The following RBBP8 variants were observed in gnomAD, a reference collection of about 807,000 sequenced individuals.
The protein encoded by RBBP8 is DNA endonuclease RBBP8.
In RBBP8, 88 loss-of-function variants were observed where a neutral mutation model predicts 108.3. The observed-to-expected ratio is 0.81, with a 90% confidence interval of 0.68 to 0.97. The LOEUF (loss-of-function observed/expected upper bound fraction) is 0.97, where lower values mean the gene tolerates loss of function less well. Ranked by LOEUF, RBBP8 falls within the 50% of genes least tolerant of loss-of-function variation. The pLI, the probability that RBBP8 is intolerant of heterozygous loss-of-function variation, is 0.00. For missense variants in RBBP8, 1,023 were observed against 1,049.0 expected (o/e 0.98, Z 0.34); for synonymous variants, 332 against 348.2 (o/e 0.95, Z 0.52).
intron 4 of RBBP8, among the ~76,000 whole-genome samples, chr18:22,951,102 T>C (rs772722038): frequency 1.5e-4 from 23 of 152,248 alleles, no homozygotes; most frequent in Non-Finnish European, 2.6e-4. Flanking sequence ...TAAAGACCTG[T>C]GCGCTTTAGA....
chr18:23,006,533 G>GA, intron 16 of RBBP8, 101 bp downstream of exon 16: 7 of 1,019,420 alleles, frequency 6.9e-6, no homozygotes, highest in South Asian at 1.4e-5. Context: ...ACAGAGTCTT[G>GA]CTCTGTCACC....
chr18:22,999,723 A>C (rs1184544242), intron 14 of RBBP8, among the ~76,000 whole-genome samples: 1 of 152,238 alleles, frequency 6.6e-6, no homozygotes, highest in East Asian at 1.9e-4. Context: ...TATACCAATA[A>C]AAATTCCATA....
chr18:23,009,361 G>A (rs2046115894), intron 16 of RBBP8, among the ~76,000 whole-genome samples: 1 of 151,182 alleles, frequency 6.6e-6, no homozygotes, highest in Non-Finnish European at 1.5e-5. Flanking sequence ...TATTAGAAAT[G>A]TACAGTAAAA....
chr18:22,923,879 T>G (rs1279333537), intron 3 of RBBP8, among the ~76,000 whole-genome samples: 1 of 152,120 alleles, frequency 6.6e-6, no homozygotes, highest in East Asian at 1.9e-4. Context: ...AGAAGTAAAT[T>G]TATATTCATT....
At chr18:23,006,315 C>T in intron 15 of RBBP8, 48 bp from the exon 16 acceptor site, 1 of 1,504,956 alleles carries the variant, frequency 6.6e-7, no homozygotes, top group Non-Finnish European at 9.2e-7. Flanking sequence ...TTAATTATTT[C>T]TCATTAAGTT....
chr18:23,010,188 A>G (rs1282821659), intron 16 of RBBP8, among the ~76,000 whole-genome samples: 1 of 152,198 alleles, frequency 6.6e-6, no homozygotes, highest in African/African-American at 2.4e-5. Flanking sequence ...AGCAGTGGAC[A>G]CTTGGGTTGT....
upstream of RBBP8, among the ~76,000 whole-genome samples, chr18:22,928,935 G>A (rs143375644): frequency 6.6e-6 from 1 of 152,164 alleles, no homozygotes; most frequent in Non-Finnish European, 1.5e-5. Context: ...CTCCCAAAGT[G>A]CAGGGATTAT....
chr18:22,978,629 C>A (rs1407263761), intron 6 of RBBP8, among the ~76,000 whole-genome samples: 1 of 152,008 alleles, frequency 6.6e-6, no homozygotes, highest in Non-Finnish European at 1.5e-5. Context: ...AATAGGCAAG[C>A]AGGCTGTGAC....
At chr18:23,002,484 A>G (rs537562831) in intron 15 of RBBP8, among the ~76,000 whole-genome samples, 1 of 152,338 alleles carries the variant, frequency 6.6e-6, no homozygotes, top group South Asian at 2.1e-4. Flanking sequence ...TTATCTTACC[A>G]GACAAAATAC....
At chr18:22,997,831 A>G in intron 14 of RBBP8, 97 bp downstream of exon 14, 1 of 857,750 alleles carries the variant, frequency 1.2e-6, no homozygotes, top group South Asian at 1.4e-5. Flanking sequence ...CCTCTTCACC[A>G]TAAAGCAGGT....
chr18:22,992,561 T>G (rs1318727103), intron 10 of RBBP8, among the ~76,000 whole-genome samples, 187 bp from the exon 11 acceptor site: 1 of 152,216 alleles, frequency 6.6e-6, no homozygotes, highest in African/African-American at 2.4e-5. Flanking sequence ...AATATGAATA[T>G]TATGGTGTTG....
intron 16 of RBBP8, among the ~76,000 whole-genome samples, chr18:23,007,207 G>C (rs1278129172): frequency 6.6e-6 from 1 of 151,420 alleles, no homozygotes; most frequent in Non-Finnish European, 1.5e-5. Context: ...TTTTATTAGA[G>C]ATGGGATTTC....
chr18:22,943,387 C>T (rs890560609), intron 2 of RBBP8, among the ~76,000 whole-genome samples: 1 of 151,862 alleles, frequency 6.6e-6, no homozygotes. Context: ...TACAGTGAGC[C>T]GTGATTGCAC....
chr18:22,961,001 C>T (rs780964530), intron 4 of RBBP8, among the ~76,000 whole-genome samples: 1 of 152,086 alleles, frequency 6.6e-6, no homozygotes, highest in Admixed American at 6.5e-5. Context: ...CTGCATTTTT[C>T]GTCAGTGACA....
chr18:22,991,835 GAGCTTTC>G (rs1171889165), intron 10 of RBBP8, among the ~76,000 whole-genome samples: 2 of 152,126 alleles, frequency 1.3e-5, no homozygotes, highest in East Asian at 3.9e-4. Flanking sequence ...CTTTTTAAAA[GAGCTTTC>G]AGTTTTTAGA....
intron 17 of RBBP8, among the ~76,000 whole-genome samples, chr18:23,019,332 A>G (rs187607739): frequency 2.0e-5 from 3 of 152,300 alleles, no homozygotes; most frequent in Admixed American, 2.0e-4. Flanking sequence ...GAAAACCATT[A>G]TTGTATACAT....
intron 4 of RBBP8, among the ~76,000 whole-genome samples, chr18:22,956,613 A>G (rs953373043): frequency 3.3e-5 from 5 of 152,208 alleles, no homozygotes; most frequent in African/African-American, 1.2e-4. Context: ...TTGGGATTAC[A>G]GGCATCAGCC....
At chr18:22,915,177 T>G (rs919338504) in intron 1 of RBBP8, among the ~76,000 whole-genome samples, 2 of 152,086 alleles carry the variant, frequency 1.3e-5, no homozygotes, top group Non-Finnish European at 2.9e-5. Context: ...AATTTAAAAT[T>G]TTTTTAACAT....
intron 4 of RBBP8, among the ~76,000 whole-genome samples, chr18:22,955,087 CT>C (rs1296853108): frequency 6.6e-6 from 1 of 152,204 alleles, no homozygotes; most frequent in African/African-American, 2.4e-5. Flanking sequence ...AAACTAGGTT[CT>C]TTTCTCTTTA....
Sources: gnomAD v4.1 joint callset for allele counts (sites outside exome capture counted in the v4.1 genomes callset) on GRCh38, gnomAD v4.1.1 for gene constraint, MANE v1.5 for transcripts, NCBI Gene and HGNC (gene_info 2026-07-23, HGNC 2026-07-21) for gene names.